Variants in PXYLP1 observed in about 807,000 individuals in gnomAD.
PXYLP1 encodes the protein 2-phosphoxylose phosphatase 1.
A neutral mutation model predicts 37.9 loss-of-function variants in PXYLP1; 17 were observed. That is an observed-to-expected ratio of 0.45 (90% CI 0.31 to 0.67). The LOEUF (loss-of-function observed/expected upper bound fraction) is 0.67, where lower values mean the gene tolerates loss of function less well. PXYLP1 is among the 30% of genes least tolerant of loss of function. PXYLP1 has a pLI of 0.07. For synonymous variants in PXYLP1, 221 were observed against 232.2 expected, an observed-to-expected ratio of 0.95 and a Z score of 0.44; for missense variants, 511 against 612.0, an observed-to-expected ratio of 0.84 and a Z score of 1.74.
At chr3:141,259,598 G>T (rs532011655) in intron 1 of PXYLP1, among the ~76,000 whole-genome samples, 1 of 152,300 alleles carries the variant, frequency 6.6e-6, no homozygotes, top group African/African-American at 2.4e-5. Context: ...CGGTGTAGGA[G>T]CAAATCCTTT....
chr3:141,275,436 C>G (rs1941768522), intron 2 of PXYLP1, among the ~76,000 whole-genome samples: 1 of 152,262 alleles, frequency 6.6e-6, no homozygotes, highest in Non-Finnish European at 1.5e-5. Flanking sequence ...GTCTCCTTAG[C>G]TGCTTCTGTC....
intron 1 of PXYLP1, among the ~76,000 whole-genome samples, chr3:141,254,686 T>A (rs1196352064): frequency 6.6e-6 from 1 of 152,202 alleles, no homozygotes; most frequent in African/African-American, 2.4e-5. Flanking sequence ...GACTCATATT[T>A]TGTTCACAAT....
chr3:141,281,131 G>A (rs6790263), intron 4 of PXYLP1, among the ~76,000 whole-genome samples: 104,316 of 152,158 alleles, frequency 0.69, 35,974 homozygotes, highest in Non-Finnish European at 0.72. Context: ...CATCCAAGGA[G>A]GAGAAAACAT....
At chr3:141,290,298 T>C (rs1269468755) in intron 5 of PXYLP1, among the ~76,000 whole-genome samples, 1 of 152,170 alleles carries the variant, frequency 6.6e-6, no homozygotes, top group Non-Finnish European at 1.5e-5. Flanking sequence ...CTGCAGGGCC[T>C]TAGAGAGTAA....
At chr3:141,238,043 T>C (rs1576572387) in intron 1 of PXYLP1, among the ~76,000 whole-genome samples, 1 of 152,332 alleles carries the variant, frequency 6.6e-6, no homozygotes, top group East Asian at 1.9e-4. Context: ...CTGCCCTGGC[T>C]ACTATTTTGG....
At chr3:141,289,070 T>C (rs1283785704) in intron 5 of PXYLP1, among the ~76,000 whole-genome samples, 1 of 152,236 alleles carries the variant, frequency 6.6e-6, no homozygotes, top group African/African-American at 2.4e-5. Context: ...AATCTTCAAA[T>C]GCTTGTACCT....
intron 4 of PXYLP1, among the ~76,000 whole-genome samples, chr3:141,284,185 G>C (rs558920851): frequency 6.6e-6 from 1 of 152,272 alleles, no homozygotes; most frequent in East Asian, 1.9e-4. Context: ...TCTGAAATGT[G>C]TGTTCCAGAT....
chr3:141,287,597 G>T lies in PXYLP1; in HGVS notation c.505+144G>T, dbSNP rs1464776710. The T allele has an allele frequency of 8.4e-6, 7 of 834,686 alleles. No individual in the cohort carries two copies. In the African/African-American group the frequency reaches 1.2e-4, roughly 15 times the overall value. 51.7% of individuals were successfully genotyped at this position (834,686 alleles called of 1,614,324 possible). ...CTCTGCAAGGAGCTCGGTCACCAGG[G>T]CCTCTAAATAAACATCAGAGTTCTC... On this transcript the variant is annotated intron_variant, in intron 5 of 5. Transcript: ENST00000286353.
chr3:141,259,645 ATGT>A (rs1941345553), intron 1 of PXYLP1, among the ~76,000 whole-genome samples: 1 of 152,170 alleles, frequency 6.6e-6, no homozygotes, highest in African/African-American at 2.4e-5. Context: ...ATTGGGGGAC[ATGT>A]TGTGATGATT....
In PXYLP1 at chr3:141,256,670, T is replaced by C. The variant is rs151215328; in HGVS notation, c.-53-3453T>C. ...ATTTTAATAAACCAAGACTAAAGTA[T>C]GATCATTATCTTCAAGTTTTCTAGT... On this transcript the variant is annotated intron_variant, in intron 1 of 5. Coordinates refer to ENST00000286353, the MANE Select transcript of PXYLP1 (RefSeq NM_001037172.3). Among the ~76,000 whole-genome samples the C allele has an allele frequency of 2.5e-4, 38 of 152,372 alleles. No homozygotes were observed. In the East Asian group the frequency reaches 6.7e-3, roughly 27 times the overall value.
chr3:141,255,646 C>T (rs1313833542), intron 1 of PXYLP1, among the ~76,000 whole-genome samples: 1 of 152,214 alleles, frequency 6.6e-6, no homozygotes, highest in Non-Finnish European at 1.5e-5. Flanking sequence ...TGAGTCTCAC[C>T]AGATGTCTTG....
chr3:141,238,722 A>C (rs1249706726), intron 1 of PXYLP1, among the ~76,000 whole-genome samples: 1 of 152,200 alleles, frequency 6.6e-6, no homozygotes, highest in Non-Finnish European at 1.5e-5. Context: ...GTTAGCCAGA[A>C]GCCTTACTGA....
Position 141,278,750 on chromosome 3 carries a change from C to A in PXYLP1, c.238+250C>A, listed in dbSNP as rs115081542. Among the ~76,000 whole-genome samples, 1,298 of 151,570 alleles carry A rather than the reference C, an allele frequency of 8.6e-3. 9 individuals are homozygous for A. Among genetic ancestry groups the A allele is most frequent in the Non-Finnish European group, 0.014 (923 of 67,896 alleles). On this transcript the variant is annotated intron_variant, in intron 3 of 5. Transcript: ENST00000286353. ...CATACCACGTGGCTCACGATCAACC[C>A]ACCACAAATGTTTGCCATCATCATG...
At position 141,293,300 on chromosome 3, in the gene PXYLP1, ATTGC is replaced by A. The variant is rs1942276870; in HGVS notation, c.*98_*101del. 3 of 1,274,742 alleles carry A rather than the reference ATTGC, an allele frequency of 2.4e-6. No homozygotes were observed. In the Admixed American group the frequency reaches 8.3e-5, roughly 35 times the overall value. The allele number at this position is 1,274,742 out of a possible 1,614,324, so 79.0% of individuals were successfully genotyped here. On this transcript the variant is annotated 3_prime_UTR_variant, in exon 6 of 6. Transcript: ENST00000286353. ...TGTCTGTTACTAAGGGTAGAAGATT[ATTGC>A]TTTTTAAAGGCTAAATATTGTTTGT...
Position 141,293,016 on chromosome 3 carries a change from C to G in PXYLP1, c.1254C>G (p.Ser418=). 6.2e-7 allele frequency: 1 copy of G among 1,614,182 alleles called. No homozygotes were observed. Among genetic ancestry groups the G allele is most frequent in the South Asian group, 1.1e-5 (1 of 91,074 alleles). The change falls in exon 6 of 6, where the codon TCC becomes TCG. Residue 418 remains serine, a synonymous_variant. Transcript: ENST00000286353. ...WQDREKPSEH[S]VRILYNGVDV... Reference sequence around the variant, plus strand: ...ACAGAGAAAAGCCCAGTGAACATTCCGTCCGGATTCTTTACAATGGCGTCG... The same window carrying G: ...ACAGAGAAAAGCCCAGTGAACATTCGGTCCGGATTCTTTACAATGGCGTCG...
At chr3:141,279,958 C>T (rs952463816) in intron 4 of PXYLP1, among the ~76,000 whole-genome samples, 1 of 152,174 alleles carries the variant, frequency 6.6e-6, no homozygotes, top group Non-Finnish European at 1.5e-5. Flanking sequence ...GACAAATGCA[C>T]GTTAGCAATT....
At chr3:141,256,174 G>A (rs760827787) in intron 1 of PXYLP1, among the ~76,000 whole-genome samples, 1 of 152,184 alleles carries the variant, frequency 6.6e-6, no homozygotes, top group Non-Finnish European at 1.5e-5. Context: ...GATTCTTCCG[G>A]AGTGTGGAAG....
chr3:141,261,701 C>T (rs539656492), intron 2 of PXYLP1, among the ~76,000 whole-genome samples: 10 of 152,244 alleles, frequency 6.6e-5, no homozygotes, highest in African/African-American at 1.4e-4. Context: ...ATTGTCTGCT[C>T]GTTGAGAGCA....
At chr3:141,278,568 G>A in intron 3 of PXYLP1, 68 bp downstream of exon 3, 1 of 1,570,484 alleles carries the variant, frequency 6.4e-7, no homozygotes, top group Admixed American at 1.8e-5. Flanking sequence ...GCATTGCACA[G>A]CAGTAAGGAG....
Sources: gnomAD v4.1 joint callset for allele counts (sites outside exome capture counted in the v4.1 genomes callset) on GRCh38, gnomAD v4.1.1 for gene constraint, MANE v1.5 for transcripts, NCBI Gene and HGNC (gene_info 2026-07-23, HGNC 2026-07-21) for gene names.